The following GRM1 variants were observed in gnomAD, a reference collection of about 807,000 sequenced individuals.
The protein encoded by GRM1 is glutamate metabotropic receptor 1.
A neutral mutation model predicts 90.9 loss-of-function variants in GRM1; 33 were observed. That is an observed-to-expected ratio of 0.36 (90% confidence interval 0.28 to 0.49). GRM1 has a LOEUF of 0.49. Among genes scored for constraint, GRM1 ranks in the 20% least tolerant of loss-of-function variants. GRM1 has a pLI of 0.99. For synonymous variants in GRM1, 700 were observed against 613.2 expected, an observed-to-expected ratio of 1.14 and a Z score of -2.09; for missense variants, 1,190 against 1,534.3, an observed-to-expected ratio of 0.78 and a Z score of 3.75.
At position 146,029,574 on chromosome 6, in the gene GRM1, C is replaced by G; in HGVS notation, c.57C>G (p.Leu19=). 1 of 1,614,104 alleles carries G rather than the reference C, an allele frequency of 6.2e-7. No homozygotes were observed. The highest frequency in any genetic ancestry group is 1.3e-5 in the African/African-American group (1 of 75,024). ...CGATCTTTTTGGAGGTGTCCCTTCT[C>G]CCCAGAAGCCCCGGCAGGAAAGTGT... ...FPAIFLEVSL[L]PRSPGRKVLL... Residue 19 remains leucine, a synonymous_variant, in exon 1 of 8, where the codon CTC becomes CTG. Coordinates refer to ENST00000282753, the MANE Select transcript of GRM1 (RefSeq NM_001278064.2).
intron 2 of GRM1, among the ~76,000 whole-genome samples, chr6:146,163,243 ACAAT>A (rs1447984179): frequency 1.3e-5 from 2 of 152,186 alleles, no homozygotes; most frequent in African/African-American, 4.8e-5. Context: ...TTAACTAATC[ACAAT>A]CAAGTTAATC....
At chr6:146,105,301 T>C (rs1777189993) in intron 1 of GRM1, among the ~76,000 whole-genome samples, 1 of 152,200 alleles carries the variant, frequency 6.6e-6, no homozygotes, top group Non-Finnish European at 1.5e-5. Context: ...AAAAAGATAA[T>C]GTAGCCCTTT....
intron 2 of GRM1, among the ~76,000 whole-genome samples, chr6:146,292,848 A>G (rs1783037090): frequency 6.6e-6 from 1 of 152,046 alleles, no homozygotes. Flanking sequence ...CATGATAGCC[A>G]AAAGATGGAA....
At chr6:146,146,547 G>A (rs377065439) in intron 1 of GRM1, among the ~76,000 whole-genome samples, 55 of 152,272 alleles carry the variant, frequency 3.6e-4, no homozygotes, top group Middle Eastern at 3.4e-3. Context: ...TTTGGGGACC[G>A]TGGTGGAATG....
At chr6:146,222,440 C>T (rs1317694429) in intron 2 of GRM1, among the ~76,000 whole-genome samples, 3 of 151,894 alleles carry the variant, frequency 2.0e-5, no homozygotes, top group Admixed American at 6.6e-5. Flanking sequence ...TGTGCAAAAT[C>T]CCAAGATCTG....
chr6:146,034,198 A>C (rs796863401), intron 1 of GRM1, among the ~76,000 whole-genome samples: 9 of 152,150 alleles, frequency 5.9e-5, no homozygotes, highest in African/African-American at 2.2e-4. Context: ...TCTTCTATGT[A>C]ATGACCTAAA....
rs1212725778 is a variant in GRM1, at chr6:146,389,884, A to G, written c.1729+2868A>G. On this transcript the variant is annotated intron_variant, in intron 6 of 7. Coordinates refer to ENST00000282753, the MANE Select transcript of GRM1 (RefSeq NM_001278064.2). ...CTTTTGGTCTCTTACAGGAAATCCCATTTACCACTTGCTTGATGCCATGTC... is the reference window on the plus strand; with the variant it reads ...CTTTTGGTCTCTTACAGGAAATCCCGTTTACCACTTGCTTGATGCCATGTC... Among the ~76,000 whole-genome samples the G allele has an allele frequency of 2.7e-4, 41 of 152,066 alleles. 1 individual carries two copies. Among genetic ancestry groups the G allele is most frequent in the Admixed American group, 2.7e-3 (41 of 15,248 alleles).
chr6:146,306,985 G>A (rs1783600003), intron 3 of GRM1, among the ~76,000 whole-genome samples: 1 of 152,122 alleles, frequency 6.6e-6, no homozygotes. Context: ...TTGTCATTGT[G>A]TTTTATTAGT....
At chr6:146,138,652 A>G (rs1353064282) in intron 1 of GRM1, among the ~76,000 whole-genome samples, 5 of 152,026 alleles carry the variant, frequency 3.3e-5, no homozygotes, top group Admixed American at 6.5e-5. Flanking sequence ...AGGTTGTCCA[A>G]TTATTGGCAT....
intron 3 of GRM1, among the ~76,000 whole-genome samples, chr6:146,336,670 A>G (rs1293404540): frequency 6.6e-6 from 1 of 152,142 alleles, no homozygotes; most frequent in African/African-American, 2.4e-5. Context: ...TCTCCACTCA[A>G]CAAGAGTTAC....
intron 2 of GRM1, among the ~76,000 whole-genome samples, chr6:146,181,327 A>G (rs1442108825): frequency 6.6e-6 from 1 of 152,178 alleles, no homozygotes; most frequent in Non-Finnish European, 1.5e-5. Flanking sequence ...GCACTGAATA[A>G]GGAAGTCTTT....
chr6:146,267,521 G>C (rs1781936992), intron 2 of GRM1, among the ~76,000 whole-genome samples: 1 of 152,028 alleles, frequency 6.6e-6, no homozygotes, highest in South Asian at 2.1e-4. Context: ...GCAAGCTGCA[G>C]AGCAAGGAGA....
chr6:146,211,615 G>T (rs1779689693), intron 2 of GRM1, among the ~76,000 whole-genome samples: 1 of 152,060 alleles, frequency 6.6e-6, no homozygotes, highest in Non-Finnish European at 1.5e-5. Context: ...GATCTTATTT[G>T]AAAAAGCATC....
intron 2 of GRM1, among the ~76,000 whole-genome samples, chr6:146,202,015 G>C (rs1349250869): frequency 6.6e-6 from 1 of 152,198 alleles, no homozygotes; most frequent in Non-Finnish European, 1.5e-5. Context: ...GAAGGACCCT[G>C]AGTGGCTGGT....
At chr6:146,230,415 C>T (rs1460697060) in intron 2 of GRM1, among the ~76,000 whole-genome samples, 1 of 152,096 alleles carries the variant, frequency 6.6e-6, no homozygotes, top group African/African-American at 2.4e-5. Context: ...TGAAAAGATG[C>T]TTCTCATCAC....
At chr6:146,082,198 C>G (rs759888576) in intron 1 of GRM1, among the ~76,000 whole-genome samples, 1 of 152,148 alleles carries the variant, frequency 6.6e-6, no homozygotes, top group Non-Finnish European at 1.5e-5. Context: ...CACTGTCACC[C>G]AGGCTGGAGT....
At chr6:146,068,687 A>G (rs1775932482) in intron 1 of GRM1, among the ~76,000 whole-genome samples, 1 of 152,230 alleles carries the variant, frequency 6.6e-6, no homozygotes. Flanking sequence ...AGTTGAGAGT[A>G]ATATTAGAAA....
At chr6:146,274,022 C>A (rs1782264219) in intron 2 of GRM1, among the ~76,000 whole-genome samples, 1 of 152,236 alleles carries the variant, frequency 6.6e-6, no homozygotes, top group Non-Finnish European at 1.5e-5. Flanking sequence ...CAGAGTCCAT[C>A]ACTCTGCAAT....
At chr6:146,357,181 A>G (rs1245495306) in intron 4 of GRM1, among the ~76,000 whole-genome samples, 1 of 152,234 alleles carries the variant, frequency 6.6e-6, no homozygotes, top group Non-Finnish European at 1.5e-5. Context: ...TAAAAAATTA[A>G]TGTTCTTATT....
Sources: allele counts gnomAD v4.1 joint callset (sites outside exome capture counted in the v4.1 genomes callset), GRCh38; gene constraint gnomAD v4.1.1; transcripts MANE v1.5; gene names NCBI Gene and HGNC (gene_info 2026-07-23, HGNC 2026-07-21).